The following PALLD variants were observed in gnomAD, a reference collection of about 807,000 sequenced individuals.
The protein encoded by PALLD is palladin, cytoskeletal associated protein.
Under a neutral mutation model 123.5 loss-of-function variants are expected in PALLD, and 61 were observed. That is an observed-to-expected ratio of 0.49 (90% CI 0.40 to 0.61). PALLD has a LOEUF of 0.61. PALLD is among the 20% of genes least tolerant of loss of function. The probability of loss-of-function intolerance (pLI) is 0.00; values close to 1 mark genes in which losing one functional copy is unlikely to be tolerated. For missense variants in PALLD, 1,273 were observed against 1,377.0 expected (o/e 0.92, Z 1.20); for synonymous variants, 465 against 496.4 (o/e 0.94, Z 0.84).
chr4:168,780,698 T>C (rs1304811798), intron 10 of PALLD, among the ~76,000 whole-genome samples: 2 of 152,176 alleles, frequency 1.3e-5, no homozygotes, highest in African/African-American at 2.4e-5. Flanking sequence ...TGTTGTTGTT[T>C]GTTTTTGGAG....
At chr4:168,712,583 AGTT>A (rs1385790588) in intron 10 of PALLD, among the ~76,000 whole-genome samples, 2 of 152,202 alleles carry the variant, frequency 1.3e-5, no homozygotes, top group African/African-American at 4.8e-5. Context: ...CACAGCAGAG[AGTT>A]GTTATGAATG....
chr4:168,512,110 T>G lies in PALLD; in HGVS notation c.606T>G (p.Ser202Arg). Reference sequence around the variant, plus strand: ...ATGGGGAGTCCTCGTCACCAGACAGTGGGTACCTGTCTCCTAAAAATCAGC... The same window carrying G: ...ATGGGGAGTCCTCGTCACCAGACAGGGGGTACCTGTCTCCTAAAAATCAGC... ...SPNGESSSPD[S>R]GYLSPKNQPS... The change falls in exon 2 of 22, where the codon AGT becomes AGG. Residue 202 changes from serine (S) to arginine (R), a missense_variant. Ser to Arg is a moderately radical substitution (Grantham distance 110). Coordinates refer to ENST00000505667, the MANE Select transcript of PALLD (RefSeq NM_001166108.2). 1 of 1,614,092 alleles carries G rather than the reference T, an allele frequency of 6.2e-7. No homozygotes were observed. Among genetic ancestry groups the G allele is most frequent in the Non-Finnish European group, 8.5e-7 (1 of 1,179,996 alleles).
intron 10 of PALLD, among the ~76,000 whole-genome samples, chr4:168,716,382 A>G (rs745525813): frequency 3.9e-5 from 6 of 152,208 alleles, no homozygotes; most frequent in Non-Finnish European, 5.9e-5. Context: ...GAAAATAATA[A>G]TGAAATGATT....
rs1762359961 is a variant in PALLD, at chr4:168,925,268, C to T, written c.*22C>T. On this transcript the variant is annotated 3_prime_UTR_variant, in exon 21 of 22. Coordinates refer to ENST00000505667, the MANE Select transcript of PALLD (RefSeq NM_001166108.2). ...TTAATAGTGAACCACACCAGGAGAA[C>T]AAATACCCAAGTATCATTCAGGAAC... The T allele has an allele frequency of 6.2e-7, 1 of 1,604,502 alleles. No individual in the cohort carries two copies. Among genetic ancestry groups the T allele is most frequent in the African/African-American group, 1.3e-5 (1 of 74,732 alleles).
At chr4:168,831,651 C>T (rs546753831) in intron 10 of PALLD, among the ~76,000 whole-genome samples, 2 of 152,140 alleles carry the variant, frequency 1.3e-5, no homozygotes, top group African/African-American at 2.4e-5. Flanking sequence ...TCCATTCTAC[C>T]GTGAGTTTTT....
intron 2 of PALLD, among the ~76,000 whole-genome samples, chr4:168,617,124 A>G (rs1234958838): frequency 6.6e-6 from 1 of 152,188 alleles, no homozygotes; most frequent in Non-Finnish European, 1.5e-5. Flanking sequence ...CAACATACTA[A>G]AAAGCAAAAG....
chr4:168,840,320 T>A (rs1176552389), intron 10 of PALLD, among the ~76,000 whole-genome samples: 2 of 152,134 alleles, frequency 1.3e-5, no homozygotes, highest in African/African-American at 4.8e-5. Flanking sequence ...GGGAGAAGCT[T>A]TTATTTGCAA....
chr4:168,712,127 C>T (rs1199136184), intron 10 of PALLD: 3 of 615,312 alleles, frequency 4.9e-6, no homozygotes, highest in Non-Finnish European at 8.6e-6. Context: ...GAAATCTGCC[C>T]TTTGCTGAAA....
At chr4:168,705,904 A>G (rs961235078) in intron 8 of PALLD, among the ~76,000 whole-genome samples, 2 of 152,166 alleles carry the variant, frequency 1.3e-5, no homozygotes, top group East Asian at 1.9e-4. Context: ...CGGCCTCCCA[A>G]AGTGCTGGGA....
At chr4:168,734,185 CAGTG>C (rs1787494882) in intron 10 of PALLD, among the ~76,000 whole-genome samples, 1 of 152,022 alleles carries the variant, frequency 6.6e-6, no homozygotes, top group Non-Finnish European at 1.5e-5. Flanking sequence ...TTAGTAACAT[CAGTG>C]TTAACTATGG....
intron 2 of PALLD, among the ~76,000 whole-genome samples, chr4:168,598,939 AATAATTTTAAAG>A (rs1227037661): frequency 6.6e-6 from 1 of 152,200 alleles, no homozygotes; most frequent in Non-Finnish European, 1.5e-5. Flanking sequence ...TTCTTTAATA[AATAATTTTAAAG>A]ATGACCAAAA....
intron 10 of PALLD, among the ~76,000 whole-genome samples, chr4:168,751,075 C>A (rs1007591586): frequency 6.6e-6 from 1 of 151,094 alleles, no homozygotes; most frequent in Non-Finnish European, 1.5e-5. Flanking sequence ...TGTAATGGCA[C>A]AATCTTGGCT....
intron 2 of PALLD, among the ~76,000 whole-genome samples, chr4:168,647,332 T>C (rs1010415763): frequency 6.6e-6 from 1 of 152,242 alleles, no homozygotes; most frequent in African/African-American, 2.4e-5. Flanking sequence ...GAAGATTCTC[T>C]AGTTCACTTA....
At chr4:168,590,867 T>A in intron 2 of PALLD, among the ~76,000 whole-genome samples, 1 of 12,560 alleles carries the variant, frequency 8.0e-5, no homozygotes, top group African/African-American at 6.5e-4. Flanking sequence ...CTAGAAAGTT[T>A]TTTTTTTTTT....
chr4:168,623,053 G>C (rs1004342286), intron 2 of PALLD, among the ~76,000 whole-genome samples: 1 of 152,176 alleles, frequency 6.6e-6, no homozygotes, highest in Non-Finnish European at 1.5e-5. Context: ...TTGAGCCTTA[G>C]AAAATATCTA....
chr4:168,553,563 A>T (rs1193491660), intron 2 of PALLD, among the ~76,000 whole-genome samples: 1 of 152,224 alleles, frequency 6.6e-6, no homozygotes. Context: ...CCTACAAAGG[A>T]ACCTGTGGTA....
rs139478151 is a variant in PALLD, at chr4:168,679,871, G to C, written c.1088-1461G>C. ...AGGAGGAGATGGGAAGACAAGAATG[G>C]ATTGTGGTAGTCCAGGCCCCAGGCA... On this transcript the variant is annotated intron_variant, in intron 3 of 21. Coordinates refer to ENST00000505667, the MANE Select transcript of PALLD (RefSeq NM_001166108.2). Among the ~76,000 whole-genome samples the C allele has an allele frequency of 8.1e-4, 123 of 152,194 alleles. No individual in the cohort carries two copies. The East Asian group carries it at 0.019, about 24-fold the overall frequency.
At chr4:168,866,034 C>T (rs1030547744) in intron 10 of PALLD, among the ~76,000 whole-genome samples, 1 of 151,574 alleles carries the variant, frequency 6.6e-6, no homozygotes, top group Non-Finnish European at 1.5e-5. Context: ...AATCCCAGCA[C>T]TTGGGGAGGC....
chr4:168,535,567 C>T (rs1403594132), intron 2 of PALLD, among the ~76,000 whole-genome samples: 1 of 152,206 alleles, frequency 6.6e-6, no homozygotes, highest in South Asian at 2.1e-4. Flanking sequence ...GGGGTGTATG[C>T]GTATACCACT....
Sources: gnomAD v4.1 joint callset for allele counts (sites outside exome capture counted in the v4.1 genomes callset) on GRCh38, gnomAD v4.1.1 for gene constraint, MANE v1.5 for transcripts, NCBI Gene and HGNC (gene_info 2026-07-23, HGNC 2026-07-21) for gene names.